The following VWA3B variants were observed in gnomAD, a reference collection of about 807,000 sequenced individuals.
VWA3B encodes von Willebrand factor A domain containing 3B, also known as von Willebrand factor A domain-containing protein 3B.
VWA3B carries 138 observed loss-of-function variants against 158.3 expected under a neutral mutation model. The observed-to-expected ratio is 0.87, with a 90% confidence interval of 0.76 to 1.00. VWA3B has a LOEUF of 1.00. VWA3B is among the 50% of genes least tolerant of loss of function. The pLI, the probability that VWA3B is intolerant of heterozygous loss-of-function variation, is 0.00. For synonymous variants in VWA3B, 596 were observed against 587.3 expected, an observed-to-expected ratio of 1.01 and a Z score of -0.21; for missense variants, 1,555 against 1,565.1, an observed-to-expected ratio of 0.99 and a Z score of 0.11.
intron 19 of VWA3B, among the ~76,000 whole-genome samples, chr2:98,245,994 T>G (rs1686366702): frequency 1.3e-5 from 2 of 152,210 alleles, no homozygotes; most frequent in South Asian, 4.1e-4. Context: ...TTCATGTGGT[T>G]GTTAAGTAGC....
At chr2:98,316,850 A>G (rs541669351), downstream of VWA3B, among the ~76,000 whole-genome samples, 2 of 152,118 alleles carry the variant, frequency 1.3e-5, no homozygotes, top group African/African-American at 4.8e-5. Flanking sequence ...CTGGCCTTGT[A>G]AGTACTGGCT....
rs572154118 is a variant in VWA3B at position 98,189,648 on chromosome 2, T to C, written c.1466+1519T>C. ...TATTACTGATTTTCTCTAGTTGTTC[T>C]ATAAATTATTGAGAAAAGAGTGTTG... On this transcript the variant is annotated intron_variant, in intron 10 of 27. Transcript: ENST00000477737. Among the ~76,000 whole-genome samples, 9 of 152,348 alleles carry C rather than the reference T, an allele frequency of 5.9e-5. No individual in the cohort carries two copies. In the East Asian group the frequency reaches 1.5e-3, roughly 26 times the overall value.
At chr2:98,294,936 C>T (rs184677230) in intron 23 of VWA3B, among the ~76,000 whole-genome samples, 318 of 151,720 alleles carry the variant, frequency 2.1e-3, no homozygotes, top group African/African-American at 7.3e-3. Flanking sequence ...AGATTAAATG[C>T]GATGACGTAC....
intron 26 of VWA3B, among the ~76,000 whole-genome samples, chr2:98,305,694 G>A (rs1690480206): frequency 6.6e-6 from 1 of 152,066 alleles, no homozygotes; most frequent in African/African-American, 2.4e-5. Context: ...CCAGAAATCT[G>A]GTGGTCATCT....
At position 98,217,929 on chromosome 2, in the gene VWA3B, T is replaced by A; in HGVS notation, c.1920T>A (p.Ile640=). 6.2e-7 allele frequency: 1 copy of A among 1,613,704 alleles called. No individual in the cohort carries two copies. ...TCTCCTTCAATTACAATGATGAGAT[T>A]GCAAACAGGTTTTTGAAAGAGGTTG... ...YTISFNYNDE[I]ANRFLKEVAA... Residue 640 remains isoleucine, a synonymous_variant, in exon 14 of 28, where the codon ATT becomes ATA. Coordinates refer to ENST00000477737, the MANE Select transcript of VWA3B (RefSeq NM_144992.5).
chr2:98,322,001 T>G, the VWA3B span, among the ~76,000 whole-genome samples: 2 of 152,186 alleles, frequency 1.3e-5, no homozygotes, highest in Admixed American at 1.3e-4. Context: ...TGAGAGCTGA[T>G]GATTTCATAA....
At chr2:98,204,003 G>A (rs1682801209) in intron 12 of VWA3B, among the ~76,000 whole-genome samples, 1 of 152,180 alleles carries the variant, frequency 6.6e-6, no homozygotes, top group Admixed American at 6.5e-5. Flanking sequence ...GATATCATAG[G>A]TAATCTGGAG....
chr2:98,242,564 C>A (rs1254154291), intron 19 of VWA3B, among the ~76,000 whole-genome samples: 1 of 151,672 alleles, frequency 6.6e-6, no homozygotes, highest in African/African-American at 2.4e-5. Context: ...ATCATAATGT[C>A]TTTTACAGCA....
chr2:98,109,313 C>A (rs1048441199), intron 2 of VWA3B, among the ~76,000 whole-genome samples: 6 of 152,004 alleles, frequency 3.9e-5, no homozygotes, highest in African/African-American at 1.4e-4. Flanking sequence ...TATTGTATAT[C>A]TTCATATGGC....
intron 22 of VWA3B, among the ~76,000 whole-genome samples, chr2:98,275,929 AAAG>A (rs1392826757): frequency 6.6e-6 from 1 of 152,152 alleles, no homozygotes; most frequent in Non-Finnish European, 1.5e-5. Flanking sequence ...AGGCAGGGAG[AAAG>A]AAGGTGGGAA....
At chr2:98,265,493 T>A (rs1263047666) in intron 21 of VWA3B, among the ~76,000 whole-genome samples, 1 of 152,080 alleles carries the variant, frequency 6.6e-6, no homozygotes, top group Non-Finnish European at 1.5e-5. Flanking sequence ...GAATAATGCC[T>A]CAATAAACAT....
chr2:98,315,149 G>A (rs532201443), downstream of VWA3B, among the ~76,000 whole-genome samples: 1 of 152,178 alleles, frequency 6.6e-6, no homozygotes, highest in African/African-American at 2.4e-5. Context: ...GAGTAATGTC[G>A]ATAGTACATT....
intron 21 of VWA3B, among the ~76,000 whole-genome samples, chr2:98,260,304 T>C (rs1442624358): frequency 2.0e-5 from 3 of 151,680 alleles, no homozygotes; most frequent in Non-Finnish European, 3.0e-5. Context: ...ATCCATTATC[T>C]AAAGTGAGGC....
intron 8 of VWA3B, among the ~76,000 whole-genome samples, chr2:98,178,503 C>T (rs1446382170): frequency 1.3e-5 from 2 of 152,142 alleles, no homozygotes; most frequent in Non-Finnish European, 2.9e-5. Context: ...ATTCTATATC[C>T]CCTTAAATAT....
intron 21 of VWA3B, among the ~76,000 whole-genome samples, chr2:98,258,051 T>C (rs927692240): frequency 1.3e-5 from 2 of 151,900 alleles, no homozygotes; most frequent in Non-Finnish European, 2.9e-5. Flanking sequence ...TGAAGTAGGG[T>C]TCCAACTTCA....
At chr2:98,188,475 C>A (rs748062594) in intron 10 of VWA3B, among the ~76,000 whole-genome samples, 68 of 152,114 alleles carry the variant, frequency 4.5e-4, no homozygotes, top group Non-Finnish European at 9.0e-4. Context: ...CTTTTGTATT[C>A]GCTAACCAAC....
At chr2:98,311,271 G>A (rs1419856907) in intron 26 of VWA3B, among the ~76,000 whole-genome samples, 8 of 152,198 alleles carry the variant, frequency 5.3e-5, no homozygotes, top group Non-Finnish European at 1.2e-4. Flanking sequence ...GGGTAAATAA[G>A]CTTTGTCAGC....
chr2:98,116,059 A>G (rs1674510292), intron 3 of VWA3B, among the ~76,000 whole-genome samples: 2 of 152,262 alleles, frequency 1.3e-5, no homozygotes, highest in Admixed American at 1.3e-4. Context: ...AGCCAAGAGC[A>G]AACTGCCATT....
At chr2:98,323,998 G>C in the VWA3B span, among the ~76,000 whole-genome samples, 1 of 152,176 alleles carries the variant, frequency 6.6e-6, no homozygotes, top group African/African-American at 2.4e-5. Flanking sequence ...ACCACACGTG[G>C]AGGCTTAAAC....
Sources: allele counts gnomAD v4.1 joint callset (sites outside exome capture counted in the v4.1 genomes callset), GRCh38; gene constraint gnomAD v4.1.1; transcripts MANE v1.5; gene names NCBI Gene and HGNC (gene_info 2026-07-23, HGNC 2026-07-21).